Variants in ZNF407 observed in about 807,000 individuals in gnomAD.
The protein encoded by ZNF407 is zinc finger protein 407.
In ZNF407, 17 loss-of-function variants were observed where a neutral mutation model predicts 131.2. The ratio of observed to expected loss-of-function variants is 0.13; its 90% CI spans 0.09 to 0.19. ZNF407 has a LOEUF of 0.19. Ranked by LOEUF, ZNF407 falls within the 10% of genes least tolerant of loss-of-function variation. The pLI is 1.00. For missense variants in ZNF407, 2,681 were observed against 2,830.6 expected, an observed-to-expected ratio of 0.95 and a Z score of 1.20; for synonymous variants, 1,156 against 1,062.0, an observed-to-expected ratio of 1.09 and a Z score of -1.72.
intron 3 of ZNF407, among the ~76,000 whole-genome samples, chr18:74,687,369 A>G (rs1297373675): frequency 6.6e-6 from 1 of 152,190 alleles, no homozygotes; most frequent in Admixed American, 6.5e-5. Context: ...AACAAACCCC[A>G]GTATAATATG....
intron 8 of ZNF407, among the ~76,000 whole-genome samples, chr18:74,964,580 G>GTTTT (rs35373107): frequency 2.4e-4 from 29 of 118,582 alleles, no homozygotes; most frequent in Admixed American, 1.5e-3. Context: ...TATCATCCGG[G>GTTTT]TTTTTTTTTT....
At chr18:74,964,996 G>T (rs1261725094) in intron 8 of ZNF407, among the ~76,000 whole-genome samples, 1 of 152,082 alleles carries the variant, frequency 6.6e-6, no homozygotes, top group Non-Finnish European at 1.5e-5. Context: ...TTCATTTTGG[G>T]TCTTAGATAT....
intron 3 of ZNF407, among the ~76,000 whole-genome samples, chr18:74,672,445 C>CATTGGAGCACTGTT (rs1555675489): frequency 5.5e-5 from 8 of 144,996 alleles, no homozygotes; most frequent in South Asian, 4.6e-4. Context: ...CACTGTTTGT[C>CATTGGAGCACTGTT]TGTTCATTGG....
intron 4 of ZNF407, among the ~76,000 whole-genome samples, chr18:74,872,761 A>G (rs1290466113): frequency 8.4e-6 from 1 of 119,342 alleles, no homozygotes; most frequent in Non-Finnish European, 2.0e-5. Context: ...TCTCAAAAAA[A>G]AAAAGAAAAA....
intron 3 of ZNF407, among the ~76,000 whole-genome samples, chr18:74,687,286 T>A (rs186080400): frequency 6.6e-6 from 1 of 152,226 alleles, no homozygotes; most frequent in Non-Finnish European, 1.5e-5. Context: ...ATTTCGAGGA[T>A]ACAGTGAGCT....
intron 3 of ZNF407, among the ~76,000 whole-genome samples, chr18:74,722,508 G>A (rs1037685480): frequency 6.6e-6 from 1 of 152,072 alleles, no homozygotes; most frequent in African/African-American, 2.4e-5. Flanking sequence ...GTTACTTTTA[G>A]CTGACAAGGA....
intron 8 of ZNF407, among the ~76,000 whole-genome samples, chr18:74,937,919 G>A (rs138260686): frequency 1.1e-4 from 16 of 152,262 alleles, no homozygotes; most frequent in African/African-American, 3.9e-4. Flanking sequence ...AAAAGGTGGT[G>A]AGATTATACT....
At chr18:75,042,588 A>G (rs549734650) in intron 8 of ZNF407, among the ~76,000 whole-genome samples, 13 of 152,344 alleles carry the variant, frequency 8.5e-5, no homozygotes, top group African/African-American at 2.9e-4. Context: ...CTTTTTCTAA[A>G]TGGAGATTTA....
At chr18:74,730,117 A>G (rs946070903) in intron 3 of ZNF407, among the ~76,000 whole-genome samples, 3 of 152,196 alleles carry the variant, frequency 2.0e-5, no homozygotes, top group Admixed American at 6.5e-5. Flanking sequence ...CAATGAGATC[A>G]TGTTCATGAT....
intron 6 of ZNF407, among the ~76,000 whole-genome samples, chr18:74,881,957 A>G (rs898352090): frequency 6.6e-6 from 1 of 152,214 alleles, no homozygotes; most frequent in African/African-American, 2.4e-5. Context: ...AGACAAGAGA[A>G]GAGAGCTTGC....
At chr18:75,010,902 A>T (rs1244608288) in intron 8 of ZNF407, among the ~76,000 whole-genome samples, 2 of 152,166 alleles carry the variant, frequency 1.3e-5, no homozygotes, top group African/African-American at 4.8e-5. Flanking sequence ...ATACTATCAA[A>T]TAATGGCTCC....
chr18:74,729,985 T>C (rs1397243707), intron 3 of ZNF407, among the ~76,000 whole-genome samples: 1 of 152,198 alleles, frequency 6.6e-6, no homozygotes, highest in African/African-American at 2.4e-5. Context: ...AGATAGTTAA[T>C]TGTAATCTCG....
intron 8 of ZNF407, among the ~76,000 whole-genome samples, chr18:74,950,156 T>C (rs1972197712): frequency 6.6e-6 from 1 of 152,166 alleles, no homozygotes; most frequent in Non-Finnish European, 1.5e-5. Flanking sequence ...AAGCCAGTGG[T>C]GCCCAAGAAG....
Position 74,634,028 on chromosome 18 carries a change from G to A in ZNF407, c.3009G>A (p.Gly1003=), listed in dbSNP as rs767810309. Residue 1003 remains glycine (G), a synonymous_variant, in exon 2 of 9, where the codon GGG becomes GGA. Coordinates refer to ENST00000299687, the MANE Select transcript of ZNF407 (RefSeq NM_017757.3). ...SSEPEDFAQP[G]DVYSQRDVTG... ...AGCCAGAGGACTTCGCCCAGCCGGG[G>A]GATGTGTACTCCCAGAGAGATGTTA... 3.1e-6 allele frequency: 5 copies of A among 1,614,016 alleles called. No individual in the cohort carries two copies. The highest frequency in any genetic ancestry group is 4.2e-6 in the Non-Finnish European group (5 of 1,179,888).
chr18:74,655,389 A>G (rs1176747283), intron 3 of ZNF407, among the ~76,000 whole-genome samples: 4 of 152,116 alleles, frequency 2.6e-5, no homozygotes, highest in African/African-American at 9.7e-5. Context: ...TAATATGGAT[A>G]CAAATTTATT....
intron 8 of ZNF407, among the ~76,000 whole-genome samples, chr18:75,009,116 T>C (rs573555849): frequency 4.3e-4 from 66 of 152,316 alleles, no homozygotes; most frequent in Non-Finnish European, 7.6e-4. Flanking sequence ...ATTGGCATCT[T>C]TGTAACATTA....
chr18:74,792,756 C>T (rs1969849542), intron 4 of ZNF407, among the ~76,000 whole-genome samples: 1 of 151,972 alleles, frequency 6.6e-6, no homozygotes, highest in Non-Finnish European at 1.5e-5. Flanking sequence ...AGCATTAACT[C>T]TTTTTCCTTT....
chr18:74,924,968 G>C (rs948438008), intron 8 of ZNF407, among the ~76,000 whole-genome samples: 1 of 152,166 alleles, frequency 6.6e-6, no homozygotes, highest in Non-Finnish European at 1.5e-5. Context: ...GTGCATCAAA[G>C]CTATGAAGTT....
intron 8 of ZNF407, among the ~76,000 whole-genome samples, chr18:74,964,718 C>T (rs192862244): frequency 6.6e-6 from 1 of 151,350 alleles, no homozygotes; most frequent in African/African-American, 2.4e-5. Flanking sequence ...ATTTCATTTG[C>T]ATTCTACAAA....
Sources: gnomAD v4.1 joint callset for allele counts (sites outside exome capture counted in the v4.1 genomes callset) on GRCh38, gnomAD v4.1.1 for gene constraint, MANE v1.5 for transcripts, NCBI Gene and HGNC (gene_info 2026-07-23, HGNC 2026-07-21) for gene names.